The following SLC44A1 variants were observed in gnomAD, a reference collection of about 807,000 sequenced individuals.
SLC44A1 encodes solute carrier family 44 member 1.
SLC44A1 carries 26 observed loss-of-function variants against 79.3 expected under a neutral mutation model. The observed-to-expected ratio is 0.33, with a 90% confidence interval of 0.24 to 0.46. The LOEUF (loss-of-function observed/expected upper bound fraction) is 0.46, where lower values mean the gene tolerates loss of function less well. SLC44A1 is among the 20% of genes least tolerant of loss of function. SLC44A1 has a pLI of 1.00. For synonymous variants in SLC44A1, 263 were observed against 286.2 expected, an observed-to-expected ratio of 0.92 and a Z score of 0.82; for missense variants, 688 against 798.1, an observed-to-expected ratio of 0.86 and a Z score of 1.66.
intron 3 of SLC44A1, among the ~76,000 whole-genome samples, chr9:105,321,806 A>G (rs1554792730): frequency 6.8e-6 from 1 of 147,258 alleles, no homozygotes; most frequent in Non-Finnish European, 1.5e-5. Flanking sequence ...GAGTTATAGT[A>G]TTTTAATTAA....
intron 15 of SLC44A1, among the ~76,000 whole-genome samples, chr9:105,431,918 G>T (rs1267642750): frequency 2.0e-5 from 3 of 152,050 alleles, no homozygotes; most frequent in African/African-American, 4.8e-5. Context: ...TTGTATGAAG[G>T]TATCATTATT....
chr9:105,402,429 TG>T (rs1828970321), intron 15 of SLC44A1, among the ~76,000 whole-genome samples: 1 of 152,210 alleles, frequency 6.6e-6, no homozygotes, highest in African/African-American at 2.4e-5. Flanking sequence ...CATTTAGAGA[TG>T]GGGGCTTTTG....
At chr9:105,314,695 AG>A (rs1469806520) in intron 3 of SLC44A1, among the ~76,000 whole-genome samples, 6 of 152,226 alleles carry the variant, frequency 3.9e-5, no homozygotes, top group Non-Finnish European at 7.3e-5. Flanking sequence ...AAAGAACTAG[AG>A]GTCTGCGGAG....
At position 105,365,469 on chromosome 9, in the gene SLC44A1, C is replaced by G. The variant is rs748950078; in HGVS notation, c.1254-14C>G. 1.2e-6 allele frequency: 2 copies of G among 1,602,702 alleles called. No homozygotes were observed. The highest frequency in any genetic ancestry group is 1.7e-6 in the Non-Finnish European group (2 of 1,172,486). The stretch of plus-strand genomic sequence containing the variant: ...GCTTTGTTTTAATTGTCTTTTTGGT[C>G]ATTTTTTAAATAGGGATAAAAGGAA... On this transcript the variant is annotated splice_polypyrimidine_tract_variant and intron_variant, in intron 10 of 15. Transcript: ENST00000374720.
chr9:105,347,840 T>C (rs938672908), intron 4 of SLC44A1, among the ~76,000 whole-genome samples: 2 of 152,070 alleles, frequency 1.3e-5, no homozygotes, highest in Non-Finnish European at 2.9e-5. Flanking sequence ...ATGTGTTATA[T>C]GCATTAATTG....
At chr9:105,253,002 A>T (rs754682072) in intron 1 of SLC44A1, among the ~76,000 whole-genome samples, 1 of 152,230 alleles carries the variant, frequency 6.6e-6, no homozygotes, top group Non-Finnish European at 1.5e-5. Flanking sequence ...ACTCCTTTGT[A>T]ATTGTATAAT....
intron 12 of SLC44A1, among the ~76,000 whole-genome samples, chr9:105,368,612 T>C (rs1474634613): frequency 1.3e-5 from 2 of 152,196 alleles, no homozygotes; most frequent in Non-Finnish European, 2.9e-5. Flanking sequence ...ATATCACACT[T>C]ATATACATAT....
At chr9:105,352,572 C>T (rs1019517797) in intron 5 of SLC44A1, among the ~76,000 whole-genome samples, 5 of 152,134 alleles carry the variant, frequency 3.3e-5, no homozygotes, top group Admixed American at 6.5e-5. Context: ...GTGACTACAT[C>T]GACTTATTAA....
chr9:105,314,656 A>G (rs1437899541), intron 3 of SLC44A1, among the ~76,000 whole-genome samples: 2 of 152,196 alleles, frequency 1.3e-5, no homozygotes, highest in South Asian at 2.1e-4. Flanking sequence ...TGCCTCTCCA[A>G]TGTCAGATAA....
At chr9:105,288,241 T>C (rs768011943) in intron 1 of SLC44A1, among the ~76,000 whole-genome samples, 3 of 152,192 alleles carry the variant, frequency 2.0e-5, no homozygotes, top group Non-Finnish European at 2.9e-5. Flanking sequence ...ATGACTTTAA[T>C]ATCCCAGTTG....
intron 1 of SLC44A1, among the ~76,000 whole-genome samples, chr9:105,276,033 T>G (rs1030685408): frequency 2.0e-5 from 3 of 152,042 alleles, no homozygotes; most frequent in African/African-American, 7.2e-5. Flanking sequence ...GTCAAACTCC[T>G]GGCCTCAGGT....
chr9:105,405,498 A>G (rs2131502318), intron 15 of SLC44A1, among the ~76,000 whole-genome samples: 1 of 152,296 alleles, frequency 6.6e-6, no homozygotes, highest in East Asian at 1.9e-4. Flanking sequence ...CTAAATAAAG[A>G]CATTTCAGTA....
In SLC44A1 at chr9:105,423,898, C is replaced by A. The variant is rs562333937; in HGVS notation, c.1951-14383C>A. ...TGAATGCTTTTAAGGGTTTACTCACCATGGATATAGAAGGAAACATTGTTC... is the reference window on the plus strand; with the variant it reads ...TGAATGCTTTTAAGGGTTTACTCACAATGGATATAGAAGGAAACATTGTTC... On this transcript the variant is annotated intron_variant, in intron 15 of 15. Coordinates refer to the SLC44A1 transcript ENST00000374724. 9.2e-5 allele frequency among the ~76,000 whole-genome samples: 14 copies of A among 152,228 alleles called. No individual in the cohort carries two copies. In the South Asian group the frequency reaches 2.9e-3, roughly 32 times the overall value.
chr9:105,244,689 CCGGCGCCTGCCT>C lies in SLC44A1; in HGVS notation c.-178_-167del. On this transcript the variant is annotated 5_prime_UTR_variant, in exon 1 of 16. Transcript: ENST00000374720. ...CCGTCGCCGCCGCCGGGGGATGTGG[CCGGCGCCTGCCT>C]CTAGCCGCGCCGCCTCTTGAGTACC... The C allele has an allele frequency of 3.4e-6, 1 of 295,956 alleles. No individual in the cohort carries two copies. Among genetic ancestry groups the C allele is most frequent in the Non-Finnish European group, 6.2e-6 (1 of 162,346 alleles). The allele number at this position is 295,956 out of a possible 1,614,324, so 18.3% of individuals were successfully genotyped here. A position where few individuals can be genotyped will look rare whatever the true frequency, so the allele number is the denominator to read the frequency against.
chr9:105,436,486 T>C (rs996223167), intron 15 of SLC44A1, among the ~76,000 whole-genome samples: 3 of 151,990 alleles, frequency 2.0e-5, no homozygotes, highest in African/African-American at 7.3e-5. Context: ...GAGGCTGAAG[T>C]GGGAGGATTG....
intron 3 of SLC44A1, among the ~76,000 whole-genome samples, chr9:105,323,066 C>T (rs1469529189): frequency 2.7e-5 from 4 of 147,084 alleles, no homozygotes; most frequent in Admixed American, 6.7e-5. Flanking sequence ...AAAAAAAATA[C>T]ACCACCAGGC....
downstream of SLC44A1, among the ~76,000 whole-genome samples, chr9:105,399,338 C>T (rs549225174): frequency 3.6e-4 from 55 of 152,328 alleles, no homozygotes; most frequent in African/African-American, 1.2e-3. Context: ...GAACTGCCTT[C>T]GAGGCAAAAC....
chr9:105,412,965 C>T (rs1342464889), intron 15 of SLC44A1, among the ~76,000 whole-genome samples: 4 of 152,034 alleles, frequency 2.6e-5, no homozygotes, highest in Admixed American at 2.0e-4. Context: ...AGAGTGTTTT[C>T]AGAGACAAGC....
At chr9:105,402,942 G>GCTGAGA (rs201599145) in intron 15 of SLC44A1, among the ~76,000 whole-genome samples, 1,730 of 146,668 alleles carry the variant, frequency 0.012, 29 homozygotes, top group African/African-American at 0.041. Context: ...CTCTAGAATA[G>GCTGAGA]CTGAGACTAC....
Sources: gnomAD v4.1 joint callset for allele counts (sites outside exome capture counted in the v4.1 genomes callset) on GRCh38, gnomAD v4.1.1 for gene constraint, MANE v1.5 for transcripts, NCBI Gene and HGNC (gene_info 2026-07-23, HGNC 2026-07-21) for gene names.